ATG4C: variants seen among roughly 807,000 people sequenced by gnomAD.
The protein encoded by ATG4C is autophagy related 4C cysteine peptidase, also known as cysteine protease ATG4C.
In ATG4C, 56 loss-of-function variants were observed where a neutral mutation model predicts 57.6. The ratio of observed to expected loss-of-function variants is 0.97; its 90% CI spans 0.78 to 1.21. The LOEUF is 1.21. ATG4C is among the 50% of genes most tolerant of loss of function. The pLI is 0.00. For synonymous variants in ATG4C, 157 were observed against 174.1 expected (o/e 0.90, Z 0.78); for missense variants, 595 against 529.8 (o/e 1.12, Z -1.21).
chr1:62,857,671 T>C (rs1666726929), intron 10 of ATG4C, among the ~76,000 whole-genome samples: 1 of 152,162 alleles, frequency 6.6e-6, no homozygotes. Context: ...AGCTTGGTCT[T>C]TTCTGACAAC....
At chr1:62,788,209 T>C (rs1664151480) in intron 1 of ATG4C, among the ~76,000 whole-genome samples, 1 of 152,112 alleles carries the variant, frequency 6.6e-6, no homozygotes, top group Non-Finnish European at 1.5e-5. Flanking sequence ...GGGTGAAGAG[T>C]AGTTAGGCTT....
At chr1:62,801,402 A>G (rs971890059) in intron 1 of ATG4C, among the ~76,000 whole-genome samples, 1 of 152,252 alleles carries the variant, frequency 6.6e-6, no homozygotes, top group Non-Finnish European at 1.5e-5. Flanking sequence ...CCAAGAGAAC[A>G]GGTATTTCAT....
At chr1:62,841,932 G>A (rs967985081) in intron 10 of ATG4C, among the ~76,000 whole-genome samples, 2 of 152,134 alleles carry the variant, frequency 1.3e-5, no homozygotes, top group Non-Finnish European at 2.9e-5. Flanking sequence ...TTTCTTGTTA[G>A]TCCAAGTGCT....
intron 1 of ATG4C, among the ~76,000 whole-genome samples, 158 bp downstream of exon 1, chr1:62,784,431 C>G (rs1301994675): frequency 6.6e-6 from 1 of 152,180 alleles, no homozygotes; most frequent in Admixed American, 6.5e-5. Flanking sequence ...CCTTGTCTCT[C>G]CTTTCTAGTG....
intron 1 of ATG4C, among the ~76,000 whole-genome samples, chr1:62,799,258 T>C (rs1170269065): frequency 6.6e-6 from 1 of 152,212 alleles, no homozygotes; most frequent in African/African-American, 2.4e-5. Context: ...GGTTTCAGTC[T>C]TTACAGAAAA....
chr1:62,799,387 C>G (rs1045514537), intron 1 of ATG4C, among the ~76,000 whole-genome samples: 1 of 152,194 alleles, frequency 6.6e-6, no homozygotes, highest in Non-Finnish European at 1.5e-5. Flanking sequence ...ACTACTCTAT[C>G]TAACAATGAT....
At position 62,795,778 on chromosome 1, in the gene ATG4C, A is replaced by C. The variant is rs766247026; in HGVS notation, c.-68-7941A>C. 1.7e-4 allele frequency among the ~76,000 whole-genome samples: 26 copies of C among 152,110 alleles called. 1 individual carries two copies. In the Middle Eastern group the frequency reaches 0.014, roughly 80 times the overall value. On this transcript the variant is annotated intron_variant, in intron 1 of 10. Coordinates refer to ENST00000317868, the MANE Select transcript of ATG4C (RefSeq NM_032852.4). ...CAGGAGTTTAAGTCTGCAGTGAACT[A>C]TGATTGTGCCACTGCACAGTCCATC...
intron 6 of ATG4C, among the ~76,000 whole-genome samples, chr1:62,827,977 A>G (rs948546653): frequency 2.0e-5 from 3 of 152,202 alleles, no homozygotes; most frequent in African/African-American, 7.2e-5. Context: ...TGTTGCCACA[A>G]AAGACATGAT....
intron 10 of ATG4C, among the ~76,000 whole-genome samples, chr1:62,854,753 G>A (rs1233126863): frequency 6.6e-6 from 1 of 152,114 alleles, no homozygotes; most frequent in Admixed American, 6.6e-5. Flanking sequence ...TAATGAGCTT[G>A]CCTTTTTGTT....
chr1:62,842,492 G>T (rs11208044), intron 10 of ATG4C, among the ~76,000 whole-genome samples: 26,091 of 151,566 alleles, frequency 0.17, 2,442 homozygotes, highest in African/African-American at 0.22. Flanking sequence ...GTAGAGACGG[G>T]GTTTCTCCAT....
At chr1:62,840,474 T>C (rs1273160139) in intron 9 of ATG4C, among the ~76,000 whole-genome samples, 2 of 152,230 alleles carry the variant, frequency 1.3e-5, no homozygotes, top group African/African-American at 4.8e-5. Flanking sequence ...TCTTATGTTC[T>C]TTTTAACACA....
chr1:62,787,302 C>T (rs1664124843), intron 1 of ATG4C, among the ~76,000 whole-genome samples: 2 of 152,052 alleles, frequency 1.3e-5, no homozygotes, highest in South Asian at 4.1e-4. Context: ...ATGAAAGCAT[C>T]TGGAAATATG....
At chr1:62,852,482 T>TAGTCCAAAATGACATTATTTGGGAACCTG (rs1368145760) in intron 10 of ATG4C, among the ~76,000 whole-genome samples, 1 of 152,170 alleles carries the variant, frequency 6.6e-6, no homozygotes, top group African/African-American at 2.4e-5. Context: ...CTGTAGACAT[T>TAGTCCAAAATGACATTATTTGGGAACCTG]CTTTGTTATT....
chr1:62,826,270 C>G (rs1665651257), intron 6 of ATG4C, among the ~76,000 whole-genome samples: 2 of 142,712 alleles, frequency 1.4e-5, no homozygotes, highest in African/African-American at 5.2e-5. Flanking sequence ...GAGTCTAGCT[C>G]TGTCACCCAG....
intron 9 of ATG4C, among the ~76,000 whole-genome samples, chr1:62,835,753 C>A (rs1326667981): frequency 6.6e-6 from 1 of 152,032 alleles, no homozygotes; most frequent in African/African-American, 2.4e-5. Flanking sequence ...AAAGTATAAG[C>A]ATCTGGAGGC....
chr1:62,865,297 A>G lies in ATG4C; in HGVS notation c.*1138A>G, dbSNP rs1666970555. On this transcript the variant is annotated 3_prime_UTR_variant, in exon 11 of 11. Transcript: ENST00000317868. ...ATTAATTTTTTTAAGTGGAGCTTTC[A>G]TGTTTCAGTGTAGAAACGTGACTTA... 1 of 151,890 alleles carries G rather than the reference A, an allele frequency of 6.6e-6. No individual in the cohort carries two copies. Among genetic ancestry groups the G allele is most frequent in the African/African-American group, 2.4e-5 (1 of 41,436 alleles). The allele number at this position is 151,890 out of a possible 1,614,324, so 9.4% of individuals were successfully genotyped here.
chr1:62,828,906 TA>T, intron 6 of ATG4C, 133 bp from the exon 7 acceptor site: 1 of 755,096 alleles, frequency 1.3e-6, no homozygotes, highest in Non-Finnish European at 2.1e-6. Flanking sequence ...TTTAACTTAC[TA>T]AGACATTTCT....
At chr1:62,821,816 T>G (rs1376982492) in intron 6 of ATG4C, among the ~76,000 whole-genome samples, 1 of 152,130 alleles carries the variant, frequency 6.6e-6, no homozygotes. Flanking sequence ...AAACATGAAA[T>G]TCATTTATGT....
intron 5 of ATG4C, among the ~76,000 whole-genome samples, chr1:62,820,574 T>C (rs1373889137): frequency 6.6e-6 from 1 of 152,138 alleles, no homozygotes; most frequent in Non-Finnish European, 1.5e-5. Context: ...TTTTTTCACA[T>C]CATGTACACC....
Sources: gnomAD v4.1 joint callset for allele counts (sites outside exome capture counted in the v4.1 genomes callset) on GRCh38, gnomAD v4.1.1 for gene constraint, MANE v1.5 for transcripts, NCBI Gene and HGNC (gene_info 2026-07-23, HGNC 2026-07-21) for gene names.